The following WNK2 variants were observed in gnomAD, a reference collection of about 807,000 sequenced individuals.
WNK2 encodes serine/threonine-protein kinase WNK2.
In WNK2, 67 loss-of-function variants were observed where a neutral mutation model predicts 192.1. The observed-to-expected ratio is 0.35, with a 90% confidence interval of 0.29 to 0.43. The LOEUF (loss-of-function observed/expected upper bound fraction) is 0.43. WNK2 is among the 20% of genes least tolerant of loss of function. WNK2 has a pLI of 1.00. For missense variants in WNK2, 2,698 were observed against 3,089.7 expected (o/e 0.87, Z 3.01); for synonymous variants, 1,439 against 1,393.9 (o/e 1.03, Z -0.72).
In WNK2 at chr9:93,257,872, G is replaced by C. The variant is rs1190454961; in HGVS notation, c.2382+733G>C. On this transcript the variant is annotated intron_variant, in intron 11 of 29. Transcript: ENST00000427277. The surrounding 1 kb of genome is among the most constrained non-coding windows in gnomAD (Gnocchi z 4.7). ...CTGGTGCAGAATGTAGCCGGGGCCAGGGCACCATTGCCCAGGTAAATGGCA... is the reference window on the plus strand; with the variant it reads ...CTGGTGCAGAATGTAGCCGGGGCCACGGCACCATTGCCCAGGTAAATGGCA... 6.6e-6 allele frequency among the ~76,000 whole-genome samples: 1 copy of C among 152,226 alleles called. No individual in the cohort carries two copies. The highest frequency in any genetic ancestry group is 1.5e-5 in the Non-Finnish European group (1 of 68,036).
intron 2 of WNK2, among the ~76,000 whole-genome samples, chr9:93,228,682 A>G (rs1453988109): frequency 3.3e-5 from 5 of 152,144 alleles, no homozygotes; most frequent in South Asian, 4.1e-4. Context: ...GCCTTTGGAC[A>G]TGGCTGTCAC....
chr9:93,295,546 C>T (rs1474157254), intron 23 of WNK2, among the ~76,000 whole-genome samples: 2 of 152,030 alleles, frequency 1.3e-5, no homozygotes, highest in African/African-American at 4.8e-5. Flanking sequence ...ACCTGTTTTT[C>T]TTGCCATCAA....
intron 10 of WNK2, 119 bp downstream of exon 10, chr9:93,256,573 C>T (rs1843328347): frequency 1.6e-6 from 2 of 1,252,144 alleles, no homozygotes; most frequent in African/African-American, 1.5e-5. Flanking sequence ...CTCTGTGGTT[C>T]CCCCAGGTCT....
chr9:93,208,768 G>T (rs1833936252), intron 2 of WNK2, among the ~76,000 whole-genome samples: 2 of 60,490 alleles, frequency 3.3e-5, no homozygotes, highest in Non-Finnish European at 3.3e-5. Context: ...TGTCCTCCGT[G>T]TGTGTGTTCT....
intron 2 of WNK2, among the ~76,000 whole-genome samples, chr9:93,209,737 G>A (rs1296774620): frequency 6.6e-6 from 1 of 152,202 alleles, no homozygotes; most frequent in Non-Finnish European, 1.5e-5. Context: ...GCCTCTCTGG[G>A]TGCCTCAAGG....
chr9:93,225,257 G>A (rs185301814), intron 2 of WNK2, among the ~76,000 whole-genome samples: 34 of 152,232 alleles, frequency 2.2e-4, no homozygotes, highest in African/African-American at 7.0e-4. Context: ...ATTAGCCAGC[G>A]TGGTAGCATG....
rs759875797 is a variant in WNK2, at chr9:93,289,525, G to A, written c.4771G>A (p.Asp1591Asn). The A allele has an allele frequency of 1.4e-5, 22 of 1,597,504 alleles. No homozygotes were observed. Among genetic ancestry groups the A allele is most frequent in the African/African-American group, 2.7e-5 (2 of 74,614 alleles). The change falls in exon 20 of 30, where the codon GAC (aspartate) becomes AAC (asparagine). Residue 1591 changes from aspartate (D) to asparagine (N), a missense_variant. This residue lies in a region of WNK2 where 1,098 missense variants were observed against 1,101.0 expected (regional missense o/e 1.00). Transcript: ENST00000427277. ...RDFTLEPLRG[D>N]QPRSEVCGGD... ...CTTCACCCTGGAGCCCCTGAGAGGG[G>A]ACCAGCCCCGCTCAGAGGTCTGCGG...
At chr9:93,219,512 T>C (rs541318390) in intron 2 of WNK2, among the ~76,000 whole-genome samples, 1 of 152,346 alleles carries the variant, frequency 6.6e-6, no homozygotes, top group East Asian at 1.9e-4. Flanking sequence ...GTGGATTGTT[T>C]CCAAGTTTGT....
At chr9:93,188,573 A>G (rs1829765030) in intron 2 of WNK2, among the ~76,000 whole-genome samples, 1 of 152,204 alleles carries the variant, frequency 6.6e-6, no homozygotes, top group Admixed American at 6.5e-5. Context: ...AGCAGAACAC[A>G]TTATGGTAAC....
At chr9:93,299,035 T>G in intron 24 of WNK2, 35 bp from the exon 25 acceptor site, 1 of 1,589,960 alleles carries the variant, frequency 6.3e-7, no homozygotes. Flanking sequence ...CGGCGGCGCC[T>G]CATCGTGCCT....
rs138973056 is a variant in WNK2, at chr9:93,205,843, T to G, written c.681+20233T>G. Among the ~76,000 whole-genome samples the G allele has an allele frequency of 3.8e-3, 573 of 152,224 alleles. 3 individuals carry two copies. The highest frequency in any genetic ancestry group is 0.013 in the African/African-American group (538 of 41,524). The stretch of plus-strand genomic sequence containing the variant: ...CTTGCTGCTGGGGACACTGGCTCTG[T>G]GTGACGCCAGTGCCTTCTGGCAGCC... On this transcript the variant is annotated intron_variant, in intron 2 of 29. Coordinates refer to ENST00000427277, the MANE Select transcript of WNK2 (RefSeq NM_006648.4).
At chr9:93,295,289 G>A (rs1005660615) in intron 23 of WNK2, among the ~76,000 whole-genome samples, 9 of 152,016 alleles carry the variant, frequency 5.9e-5, no homozygotes, top group African/African-American at 1.9e-4. Context: ...CCCTGCCCAC[G>A]CAGCCGCTCC....
At chr9:93,187,450 C>T (rs1156277873) in intron 2 of WNK2, among the ~76,000 whole-genome samples, 1 of 152,142 alleles carries the variant, frequency 6.6e-6, no homozygotes, top group Admixed American at 6.5e-5. Context: ...CCCTGCATCT[C>T]CCCCAAAAGA....
intron 2 of WNK2, among the ~76,000 whole-genome samples, chr9:93,189,637 C>T (rs973273618): frequency 6.6e-6 from 1 of 152,262 alleles, no homozygotes; most frequent in Non-Finnish European, 1.5e-5. Flanking sequence ...CCCCACCATC[C>T]TCCAAGGACA....
Position 93,289,338 on chromosome 9 carries a change from C to G in WNK2, c.4584C>G (p.Pro1528=). Residue 1528 remains proline, a synonymous_variant, in exon 20 of 30, where the codon CCC becomes CCG. Coordinates refer to ENST00000427277, the MANE Select transcript of WNK2 (RefSeq NM_006648.4). ...GGCCCACCGTCCCCCCACAGCCACC[C>G]TCGGCCCTGGAGTCGGATGGGGAAG... ...PLGPTVPPQP[P]SALESDGEGP... 1 of 1,606,606 alleles carries G rather than the reference C, an allele frequency of 6.2e-7. No homozygotes were observed. The highest frequency in any genetic ancestry group is 8.5e-7 in the Non-Finnish European group (1 of 1,176,964).
chr9:93,282,016 G>C (rs1588416031), intron 19 of WNK2, among the ~76,000 whole-genome samples: 1 of 152,246 alleles, frequency 6.6e-6, no homozygotes, highest in East Asian at 1.9e-4. Context: ...CAGATGAAAG[G>C]CCAGAATGCA....
At position 93,299,062 on chromosome 9, in the gene WNK2, C is replaced by A. The variant is rs377392911; in HGVS notation, c.5924-8C>A. The A allele has an allele frequency of 2.7e-5, 44 of 1,607,628 alleles. No homozygotes were observed. The highest frequency in any genetic ancestry group is 3.6e-5 in the Non-Finnish European group (42 of 1,177,898). On this transcript the variant is annotated splice_region_variant and splice_polypyrimidine_tract_variant and intron_variant, in intron 24 of 29. Transcript: ENST00000427277. ...ATCGTGCCTGTCGCCTCTTCTCCCC[C>A]CGCCCAGGTCACTTGGCTGACTCCA...
chr9:93,262,705 G>A lies in WNK2; in HGVS notation c.3396G>A (p.Pro1132=), dbSNP rs779392876. The A allele has an allele frequency of 5.0e-6, 8 of 1,612,266 alleles. No homozygotes were observed. Among genetic ancestry groups the A allele is most frequent in the Non-Finnish European group, 6.8e-6 (8 of 1,179,878 alleles). ...QASQDKPPGL[P]QSCESYGGSD... Reference sequence around the variant, plus strand: ...CACAGGACAAGCCGCCCGGCCTCCCGCAGAGCTGTGAGAGGTAGTGTGGCC... The same window carrying A: ...CACAGGACAAGCCGCCCGGCCTCCCACAGAGCTGTGAGAGGTAGTGTGGCC... Residue 1132 remains proline (P), a synonymous_variant, in exon 14 of 30, where the codon CCG becomes CCA. Transcript: ENST00000427277.
chr9:93,221,848 A>C (rs1836951157), intron 2 of WNK2, among the ~76,000 whole-genome samples: 2 of 152,054 alleles, frequency 1.3e-5, no homozygotes, highest in Admixed American at 1.3e-4. Context: ...TTGGAGCTGG[A>C]GACGTGTTTA....
Sources: allele counts gnomAD v4.1 joint callset (sites outside exome capture counted in the v4.1 genomes callset), GRCh38; gene constraint gnomAD v4.1.1; regional missense constraint gnomAD v4.1.1; non-coding constraint Gnocchi (gnomAD v3.1); transcripts MANE v1.5; gene names NCBI Gene and HGNC (gene_info 2026-07-23, HGNC 2026-07-21).